The following ASPRV1 variants were observed in gnomAD, a reference collection of about 807,000 sequenced individuals.
ASPRV1 encodes retroviral-like aspartic protease 1.
In ASPRV1, 7 loss-of-function variants were observed where a neutral mutation model predicts 11.0. The observed-to-expected ratio is 0.64, with a 90% CI of 0.36 to 1.20. ASPRV1 has a LOEUF of 1.20. Among genes scored for constraint, ASPRV1 ranks in the 50% most tolerant of loss-of-function variants. The pLI is 0.02. For synonymous variants in ASPRV1, 136 were observed against 138.4 expected (o/e 0.98, Z 0.12); for missense variants, 299 against 320.0 (o/e 0.93, Z 0.50).
chr2:69,940,477 G>A, the ASPRV1 span: 1 of 152,580 alleles, frequency 6.6e-6, no homozygotes, highest in African/African-American at 2.4e-5. Context: ...GGGGAGGGAA[G>A]GGAACAAAAT....
chr2:69,954,269 G>A, the ASPRV1 span, among the ~76,000 whole-genome samples: 1 of 152,174 alleles, frequency 6.6e-6, no homozygotes, highest in Non-Finnish European at 1.5e-5. Flanking sequence ...GCATCTTGCT[G>A]GCTGTGTCTG....
the ASPRV1 span, chr2:70,086,495 G>A: frequency 2.0e-5 from 3 of 151,980 alleles, no homozygotes; most frequent in Non-Finnish European, 4.4e-5. Context: ...GGCCTTCCAA[G>A]ATGGCGGGCC....
At chr2:70,019,465 T>G in the ASPRV1 span, among the ~76,000 whole-genome samples, 6 of 152,352 alleles carry the variant, frequency 3.9e-5, no homozygotes, top group South Asian at 6.2e-4. Flanking sequence ...CACACTCCCA[T>G]ATTCATTACA....
upstream of ASPRV1, among the ~76,000 whole-genome samples, chr2:69,966,528 C>T (rs1678346418): frequency 6.6e-6 from 1 of 152,252 alleles, no homozygotes; most frequent in Admixed American, 6.5e-5. Context: ...ACTTGTAACA[C>T]AGGTCTCCAG....
the ASPRV1 span, among the ~76,000 whole-genome samples, chr2:69,989,815 G>A: frequency 5.7e-4 from 87 of 152,218 alleles, 1 homozygote; most frequent in Non-Finnish European, 1.5e-4. Context: ...ATGCTGGGCT[G>A]TGACTTCTTG....
chr2:69,951,909 T>C, the ASPRV1 span, among the ~76,000 whole-genome samples: 1 of 152,168 alleles, frequency 6.6e-6, no homozygotes, highest in Non-Finnish European at 1.5e-5. Flanking sequence ...TGTTTTTGAG[T>C]TTTGTTAATA....
chr2:70,038,772 G>C, the ASPRV1 span, among the ~76,000 whole-genome samples: 1 of 152,116 alleles, frequency 6.6e-6, no homozygotes, highest in Admixed American at 6.6e-5. Flanking sequence ...AGGAGAGAAA[G>C]ATAAGATTAT....
the ASPRV1 span, among the ~76,000 whole-genome samples, chr2:70,023,311 A>G: frequency 2.1e-3 from 316 of 152,282 alleles, 1 homozygote; most frequent in Non-Finnish European, 3.7e-3. Context: ...AGGTGGGGAC[A>G]TTTTTTATTA....
At chr2:69,979,281 C>A in the ASPRV1 span, among the ~76,000 whole-genome samples, 5 of 152,288 alleles carry the variant, frequency 3.3e-5, no homozygotes, top group South Asian at 8.3e-4. Flanking sequence ...GATCCACCCG[C>A]CTCGGCCTCC....
At chr2:69,972,218 C>T in the ASPRV1 span, among the ~76,000 whole-genome samples, 8 of 151,128 alleles carry the variant, frequency 5.3e-5, no homozygotes, top group Non-Finnish European at 1.0e-4. Flanking sequence ...CCCACCACCA[C>T]GCCTGGCTAA....
chr2:69,944,669 GCTAC>G, the ASPRV1 span, among the ~76,000 whole-genome samples: 16 of 145,782 alleles, frequency 1.1e-4, no homozygotes, highest in African/African-American at 2.1e-4. Context: ...TTTGAACGAG[GCTAC>G]CTATTTTCTT....
At chr2:70,042,177 T>C in the ASPRV1 span, among the ~76,000 whole-genome samples, 2 of 152,188 alleles carry the variant, frequency 1.3e-5, no homozygotes, top group Non-Finnish European at 1.5e-5. Context: ...TTATAATGCA[T>C]ATTAAAAGCT....
the ASPRV1 span, chr2:69,942,373 T>C: frequency 6.6e-6 from 1 of 152,172 alleles, no homozygotes; most frequent in African/African-American, 2.4e-5. Flanking sequence ...TTTTTTTCAT[T>C]ATCAATATTA....
At chr2:69,977,282 T>C in the ASPRV1 span, among the ~76,000 whole-genome samples, 33 of 152,096 alleles carry the variant, frequency 2.2e-4, no homozygotes, top group African/African-American at 8.0e-4. Context: ...CAAAAGAAAA[T>C]GACAACCTCC....
At chr2:69,979,488 G>A in the ASPRV1 span, among the ~76,000 whole-genome samples, 1 of 152,216 alleles carries the variant, frequency 6.6e-6, no homozygotes, top group African/African-American at 2.4e-5. Context: ...GGAGTGGGAA[G>A]AGGGCAGAGG....
At chr2:70,044,579 C>T in the ASPRV1 span, among the ~76,000 whole-genome samples, 1 of 152,228 alleles carries the variant, frequency 6.6e-6, no homozygotes, top group African/African-American at 2.4e-5. Context: ...CCTGCCACAG[C>T]CTCCCAAGTG....
downstream of ASPRV1, among the ~76,000 whole-genome samples, chr2:69,955,284 C>T (rs1393365706): frequency 6.6e-6 from 1 of 152,186 alleles, no homozygotes; most frequent in Non-Finnish European, 1.5e-5. Flanking sequence ...GGACTCATGG[C>T]CTTCAGTCTA....
the ASPRV1 span, chr2:70,053,767 C>T: frequency 6.6e-6 from 1 of 152,094 alleles, no homozygotes; most frequent in African/African-American, 2.4e-5. Context: ...CTCATGTACG[C>T]ATCTCAAGTC....
chr2:70,060,350 A>AAG, the ASPRV1 span, among the ~76,000 whole-genome samples: 1 of 151,666 alleles, frequency 6.6e-6, no homozygotes, highest in African/African-American at 2.4e-5. Context: ...CAAAAAAAAA[A>AAG]AAAAAAAAAG....
Sources: gnomAD v4.1 joint callset for allele counts (sites outside exome capture counted in the v4.1 genomes callset) on GRCh38, gnomAD v4.1.1 for gene constraint, MANE v1.5 for transcripts, NCBI Gene and HGNC (gene_info 2026-07-23, HGNC 2026-07-21) for gene names.